Variants in NFATC1 observed in about 807,000 individuals in gnomAD.
NFATC1 encodes nuclear factor of activated T cells 1.
In NFATC1, 22 loss-of-function variants were observed where a neutral mutation model predicts 76.0. The ratio of observed to expected loss-of-function variants is 0.29; its 90% CI spans 0.21 to 0.41. The LOEUF is 0.41. NFATC1 is among the 10% of genes least tolerant of loss of function. The pLI, the probability that NFATC1 is intolerant of heterozygous loss-of-function variation, is 1.00. For synonymous variants in NFATC1, 704 were observed against 613.1 expected (o/e 1.15, Z -2.19); for missense variants, 1,357 against 1,337.7 (o/e 1.01, Z -0.23).
intron 1 of NFATC1, among the ~76,000 whole-genome samples, chr18:79,404,476 G>T (rs1056314831): frequency 1.6e-4 from 24 of 149,426 alleles, no homozygotes; most frequent in Non-Finnish European, 4.4e-5. Flanking sequence ...GGCGTGGATC[G>T]CCCTGCTTCG....
chr18:79,472,933 G>T (rs1294892088), intron 8 of NFATC1, among the ~76,000 whole-genome samples: 1 of 152,314 alleles, frequency 6.6e-6, no homozygotes, highest in East Asian at 1.9e-4. Flanking sequence ...GGCACCCCTC[G>T]TGCGCCCTCC....
chr18:79,526,881 A>T (rs1255112911), intron 9 of NFATC1, among the ~76,000 whole-genome samples: 1 of 152,210 alleles, frequency 6.6e-6, no homozygotes. Flanking sequence ...CCGTGACGTC[A>T]GCGCACGCCC....
In NFATC1 at chr18:79,476,133, T is replaced by C. The variant is rs1355126652; in HGVS notation, c.2092+8551T>C. On this transcript the variant is annotated intron_variant, in intron 8 of 9. Coordinates refer to ENST00000427363, the MANE Select transcript of NFATC1 (RefSeq NM_001278669.2). ...AGGAGGTGTGAGTCAGTGGGGAGGC[T>C]GGGTGCCAGGAAGCCTGCGCTCTGG... Among the ~76,000 whole-genome samples the C allele has an allele frequency of 7.2e-5, 11 of 152,274 alleles. No homozygotes were observed. The East Asian group carries it at 2.1e-3, about 29-fold the overall frequency.
intron 1 of NFATC1, among the ~76,000 whole-genome samples, chr18:79,403,761 T>C (rs937063181): frequency 5.9e-5 from 9 of 152,374 alleles, no homozygotes; most frequent in Non-Finnish European, 5.9e-5. Context: ...GAATTGAAGC[T>C]TTGGAAGACT....
Position 79,490,901 on chromosome 18 carries a change from C to T in NFATC1, c.2782+3964C>T, listed in dbSNP as rs111941490. ...GCCGTGACATAAACGAGGTCAGGGCCTGGGTTATGTCGGGAAAGCCTCACG... is the reference window on the plus strand; with the variant it reads ...GCCGTGACATAAACGAGGTCAGGGCTTGGGTTATGTCGGGAAAGCCTCACG... On this transcript the variant is annotated intron_variant, in intron 9 of 9. Coordinates refer to ENST00000427363, the MANE Select transcript of NFATC1 (RefSeq NM_001278669.2). Among the ~76,000 whole-genome samples the T allele has an allele frequency of 6.0e-3, 919 of 152,192 alleles. 8 individuals carry two copies. Among genetic ancestry groups the T allele is most frequent in the African/African-American group, 0.021 (864 of 41,532 alleles).
intron 3 of NFATC1, among the ~76,000 whole-genome samples, chr18:79,441,097 A>G (rs961006064): frequency 3.3e-5 from 5 of 152,356 alleles, no homozygotes; most frequent in African/African-American, 1.2e-4. Flanking sequence ...GAGACGCACC[A>G]TCATACACAC....
In NFATC1 at chr18:79,486,394, G is replaced by A. The variant is rs139715685; in HGVS notation, c.2239G>A (p.Gly747Ser). ...CGACCCCAGCTCCTGCCTCGTGGCC[G>A]GCTTCCCGCCCTGTCCGCAGAGAAG... ...PPDPSSCLVA[G>S]FPPCPQRSTL... The change falls in exon 9 of 10, where the codon GGC (glycine) becomes AGC (serine). Residue 747 changes from glycine to serine, a missense_variant. Physicochemically the swap from Gly to Ser is moderately conservative, Grantham distance 56 (BLOSUM62 0). Around this residue, in one of 3 missense-constraint regions of NFATC1, gnomAD observed 424 missense variants for 395.4 expected, o/e 1.07. Coordinates refer to ENST00000427363, the MANE Select transcript of NFATC1 (RefSeq NM_001278669.2). 9.8e-4 allele frequency: 1,587 copies of A among 1,612,804 alleles called. 12 individuals carry two copies. The Middle Eastern group carries it at 0.025, about 26-fold the overall frequency.
At chr18:79,406,865 G>C (rs1417621587) in intron 1 of NFATC1, among the ~76,000 whole-genome samples, 1 of 151,888 alleles carries the variant, frequency 6.6e-6, no homozygotes, top group Non-Finnish European at 1.5e-5. Flanking sequence ...CGGCTCCGCG[G>C]GTCTTCCGCA....
chr18:79,471,233 G>A (rs1024781775), intron 8 of NFATC1, among the ~76,000 whole-genome samples: 3 of 152,146 alleles, frequency 2.0e-5, no homozygotes, highest in East Asian at 3.9e-4. Flanking sequence ...ATTCCAGCAC[G>A]TCAGCATTAA....
chr18:79,457,871 G>C (rs1477271064), intron 6 of NFATC1, among the ~76,000 whole-genome samples: 25 of 152,312 alleles, frequency 1.6e-4, no homozygotes, highest in East Asian at 7.7e-4. Flanking sequence ...TTCCCTCGTT[G>C]GTGTGGGTCA....
Position 79,465,691 on chromosome 18 carries a change from G to T in NFATC1, c.1960-1759G>T, listed in dbSNP as rs1405114335. Among the ~76,000 whole-genome samples the T allele has an allele frequency of 6.6e-6, 1 of 152,218 alleles. No homozygotes were observed. Among genetic ancestry groups the T allele is most frequent in the Non-Finnish European group, 1.5e-5 (1 of 68,046 alleles). ...CTTGTCTCTTCCCTCAGCTGCTTCT[G>T]CTCTAAAGACCCACCTGGTGTAGCT... On this transcript the variant is annotated intron_variant, in intron 7 of 9. Transcript: ENST00000427363. This position sits in a 1 kb window ranked among gnomAD's most constrained non-coding sequence, Gnocchi z 4.2.
intron 2 of NFATC1, among the ~76,000 whole-genome samples, chr18:79,412,170 G>A (rs2085714117): frequency 1.3e-5 from 2 of 152,212 alleles, no homozygotes; most frequent in South Asian, 2.1e-4. Flanking sequence ...ACCGTGTGAG[G>A]GGCTGCTGGA....
Position 79,451,786 on chromosome 18 carries a change from T to G in NFATC1, c.1873T>G (p.Ser625Ala). ...VLSGHNFLQD[S>A]KVIFVEKAPD... ...GTCTGGCCACAACTTCCTGCAGGAC[T>G]CCAAGGTCATTTTCGTGGAGAAAGC... Residue 625 changes from serine (S) to alanine (A), a missense_variant, in exon 6 of 10, where the codon TCC becomes GCC. Coordinates refer to ENST00000427363, the MANE Select transcript of NFATC1 (RefSeq NM_001278669.2). The G allele has an allele frequency of 1.2e-6, 2 of 1,612,176 alleles. No individual in the cohort carries two copies. The highest frequency in any genetic ancestry group is 1.7e-6 in the Non-Finnish European group (2 of 1,179,154).
intron 9 of NFATC1, among the ~76,000 whole-genome samples, chr18:79,515,022 C>T (rs1192192515): frequency 6.6e-6 from 1 of 151,686 alleles, no homozygotes; most frequent in African/African-American, 2.4e-5. Context: ...CCAGCCTGGG[C>T]AACAGACAGA....
chr18:79,397,129 A>C (rs929201480), intron 1 of NFATC1, among the ~76,000 whole-genome samples: 3 of 151,942 alleles, frequency 2.0e-5, no homozygotes, highest in Non-Finnish European at 4.4e-5. Context: ...CCAGTCCCCC[A>C]CCTTAGCCCG....
intron 2 of NFATC1, among the ~76,000 whole-genome samples, chr18:79,424,929 GTC>G (rs140013520): frequency 5.5e-5 from 6 of 109,294 alleles, no homozygotes; most frequent in African/African-American, 1.2e-4. Flanking sequence ...GTCTCTCTGT[GTC>G]TCTCTCTGTC....
chr18:79,438,415 C>T (rs562970443), intron 3 of NFATC1, among the ~76,000 whole-genome samples: 4 of 152,306 alleles, frequency 2.6e-5, no homozygotes, highest in Admixed American at 2.0e-4. Flanking sequence ...CACCATCCCA[C>T]GGGGGCACGT....
At chr18:79,453,233 G>A (rs943918653) in intron 6 of NFATC1, among the ~76,000 whole-genome samples, 1 of 152,248 alleles carries the variant, frequency 6.6e-6, no homozygotes, top group Non-Finnish European at 1.5e-5. Flanking sequence ...GGCCAGAACC[G>A]TGGCTCCCAG....
In NFATC1 at chr18:79,486,803, G is replaced by A. The variant is rs750561672; in HGVS notation, c.2648G>A (p.Arg883His). The change falls in exon 9 of 10, where the codon CGC becomes CAC. Residue 883 changes from arginine to histidine, a missense_variant. Physicochemically the swap from Arg to His is conservative, Grantham distance 29 (BLOSUM62 0). Coordinates refer to ENST00000427363, the MANE Select transcript of NFATC1 (RefSeq NM_001278669.2). Reference sequence around the variant, plus strand: ...CCGCAGCACCTGCCGTCCACGGTCCGCAGGGACGAGTCTCCGACTGCCGGG... The same window carrying A: ...CCGCAGCACCTGCCGTCCACGGTCCACAGGGACGAGTCTCCGACTGCCGGG... ...GRPQHLPSTV[R>H]RDESPTAGPR... is the part of the protein sequence containing the mutation. The A allele has an allele frequency of 1.5e-5, 24 of 1,611,110 alleles. No individual in the cohort carries two copies. Among genetic ancestry groups the A allele is most frequent in the East Asian group, 6.7e-5 (3 of 44,822 alleles).
Sources: allele counts gnomAD v4.1 joint callset (sites outside exome capture counted in the v4.1 genomes callset), GRCh38; gene constraint gnomAD v4.1.1; regional missense constraint gnomAD v4.1.1; non-coding constraint Gnocchi (gnomAD v3.1); transcripts MANE v1.5; gene names NCBI Gene and HGNC (gene_info 2026-07-23, HGNC 2026-07-21).